OFD1: variants seen among roughly 807,000 people sequenced by gnomAD.
OFD1 encodes centriole and centriolar satellite protein OFD1.
A neutral mutation model predicts 81.4 loss-of-function variants in OFD1; 12 were observed. The observed-to-expected ratio is 0.15, with a 90% CI of 0.09 to 0.24. The LOEUF (loss-of-function observed/expected upper bound fraction) is 0.24. OFD1 is among the 10% of genes least tolerant of loss of function. The pLI is 1.00. For synonymous variants in OFD1, 256 were observed against 263.7 expected, an observed-to-expected ratio of 0.97 and a Z score of 0.28; for missense variants, 685 against 733.9, an observed-to-expected ratio of 0.93 and a Z score of 0.77.
chrX:13,720,130 C>A, the OFD1 span: 1 of 344,668 alleles, frequency 2.9e-6, no homozygotes, highest in Non-Finnish European at 4.9e-6. Flanking sequence ...AGTATACTAG[C>A]GAAGATACGT....
downstream of OFD1, chrX:13,772,029 G>A (rs1220396653): frequency 8.9e-6 from 1 of 112,206 alleles, no homozygotes; most frequent in Admixed American, 9.5e-5. Context: ...TAATAATTAA[G>A]AAAAACATTT....
chrX:13,741,687 G>A (rs1316239342), intron 5 of OFD1, among the ~76,000 whole-genome samples: 1 of 112,183 alleles, frequency 8.9e-6, no homozygotes, highest in East Asian at 2.8e-4. Flanking sequence ...AGGGAGATAG[G>A]AGAGGGGCAG....
intron 10 of OFD1, chrX:13,752,767 G>C (rs918173594): frequency 1.0e-5 from 10 of 969,872 alleles, no homozygotes; most frequent in Non-Finnish European, 1.2e-5. Context: ...GGCAGGTGTT[G>C]GAGTTTGGAG....
chrX:13,755,845 CTT>C lies in OFD1; in HGVS notation c.1221+604_1221+605del, dbSNP rs1198574907. ...ATGAAATTTATTTTAGCAACTGTGACTTATGTGAGAACTTTGTAGGCTTTTTA... is the reference window on the plus strand; with the variant it reads ...ATGAAATTTATTTTAGCAACTGTGACATGTGAGAACTTTGTAGGCTTTTTA... On this transcript the variant is annotated intron_variant, in intron 12 of 22. Transcript: ENST00000340096. Among the ~76,000 whole-genome samples, 3 of 109,625 alleles carry C rather than the reference CTT, an allele frequency of 2.7e-5. No homozygotes were observed. In the South Asian group the frequency reaches 1.2e-3, roughly 42 times the overall value.
the OFD1 span, among the ~76,000 whole-genome samples, chrX:13,728,704 C>T: frequency 8.9e-6 from 1 of 111,946 alleles, no homozygotes; most frequent in Admixed American, 9.5e-5. Context: ...ACAAGGATGC[C>T]CTCTCTCACC....
At chrX:13,733,324 T>C (rs139245605), upstream of OFD1, among the ~76,000 whole-genome samples, 780 of 111,926 alleles carry the variant, frequency 7.0e-3, 6 homozygotes, top group African/African-American at 0.024. Flanking sequence ...CTCAGCCCTA[T>C]TGTTCCACCT....
Position 13,768,051 on chromosome X carries a change from T to TA in OFD1, c.2758-2dup. ...ATTTTCTGTTTTGGTGCCTGTTTTA[T>TA]AGAAGATGATTGAAGAATCACTGAA... On this transcript the variant is annotated splice_polypyrimidine_tract_variant and splice_region_variant and intron_variant, in intron 20 of 22. Transcript: ENST00000340096. The TA allele has an allele frequency of 2.6e-6, 3 of 1,173,370 alleles. No homozygotes were observed. Among genetic ancestry groups the TA allele is most frequent in the Non-Finnish European group, 3.5e-6 (3 of 860,675 alleles).
intron 2 of OFD1, among the ~76,000 whole-genome samples, chrX:13,735,812 G>T (rs1254097232): frequency 9.0e-6 from 1 of 111,711 alleles, no homozygotes; most frequent in Non-Finnish European, 1.9e-5. Flanking sequence ...GTTTAGTTTG[G>T]GCAGAAAATA....
chrX:13,753,231 T>G, intron 10 of OFD1, 137 bp from the exon 11 acceptor site: 1 of 1,136,809 alleles, frequency 8.8e-7, no homozygotes, highest in African/African-American at 1.8e-5. Context: ...GGCTTTAGTA[T>G]TGAGGACTTT....
At chrX:13,727,627 A>G in the OFD1 span, among the ~76,000 whole-genome samples, 1 of 112,326 alleles carries the variant, frequency 8.9e-6, no homozygotes, top group Non-Finnish European at 1.9e-5. Flanking sequence ...TATAGCACTA[A>G]ATGCCCACAA....
the OFD1 span, among the ~76,000 whole-genome samples, chrX:13,718,324 T>G: frequency 8.8e-6 from 1 of 113,315 alleles, no homozygotes; most frequent in African/African-American, 3.2e-5. Context: ...CAAAGCTAAG[T>G]GAATCCTTAG....
At chrX:13,725,711 T>C in the OFD1 span, among the ~76,000 whole-genome samples, 5 of 112,308 alleles carry the variant, frequency 4.5e-5, no homozygotes, top group Non-Finnish European at 5.6e-5. Flanking sequence ...CTCCAAAGGA[T>C]TGCAGCTCCT....
Position 13,767,199 on chromosome X carries a change from G to A in OFD1, c.2672G>A (p.Arg891Lys), listed in dbSNP as rs769469366. 4.1e-6 allele frequency: 5 copies of A among 1,208,625 alleles called. No individual in the cohort carries two copies. In the East Asian group the frequency reaches 1.2e-4, roughly 29 times the overall value. Residue 891 changes from arginine (R) to lysine (K), a missense_variant, in exon 20 of 23, where the codon AGG (arginine) becomes AAG (lysine). Physicochemically the swap from Arg to Lys is conservative, Grantham distance 26. Transcript: ENST00000340096. ...KIREQQVKER[R>K]QREERRQSNL... ...CGGGAACAGCAAGTGAAAGAACGAA[G>A]GCAGAGAGAAGAAAGAAGGCAGAGT...
rs769127095 is a variant in OFD1, at chrX:13,768,795, T to C, written c.2996+10T>C. On this transcript the variant is annotated intron_variant, in intron 22 of 22. Transcript: ENST00000340096. ...GTGACAAAGTCGAAAGGTACCTGTT[T>C]TCCCTACACACTTTCATACACAAAC... 6.8e-6 allele frequency: 8 copies of C among 1,179,766 alleles called. No homozygotes were observed. The highest frequency in any genetic ancestry group is 9.2e-6 in the Non-Finnish European group (8 of 867,632).
chrX:13,739,764 G>A, intron 5 of OFD1: 1 of 685,896 alleles, frequency 1.5e-6, no homozygotes, highest in South Asian at 7.5e-5. Flanking sequence ...AAAAAAAAAT[G>A]TTTATATAGA....
intron 8 of OFD1, 40 bp from the exon 9 acceptor site, chrX:13,749,387 C>T: frequency 1.2e-6 from 1 of 864,183 alleles, no homozygotes; most frequent in Non-Finnish European, 1.7e-6. Flanking sequence ...GTTTTGCTTT[C>T]ATTAGCTTGC....
Position 13,757,673 on chromosome X carries a change from G to A in OFD1, c.1425G>A (p.Pro475=), listed in dbSNP as rs751559997. ...TTACCTTCTTAGGCCTAGCTCAGCCGGCTCCTGAACTTGCAGTCTTTCAGA... is the reference window on the plus strand; with the variant it reads ...TTACCTTCTTAGGCCTAGCTCAGCCAGCTCCTGAACTTGCAGTCTTTCAGA... ...NLRLLNRLAQ[P]APELAVFQKE... The change falls in exon 14 of 23, where the codon CCG becomes CCA. Residue 475 remains proline (P), a synonymous_variant. Transcript: ENST00000340096. 8.3e-6 allele frequency: 10 copies of A among 1,206,007 alleles called. No homozygotes were observed. Among genetic ancestry groups the A allele is most frequent in the East Asian group, 5.9e-5 (2 of 33,679 alleles).
chrX:13,716,498 TTTAG>T, the OFD1 span: 6 of 1,207,004 alleles, frequency 5.0e-6, no homozygotes, highest in African/African-American at 7.0e-5. Flanking sequence ...GAGCCCAAAC[TTTAG>T]TTAGTTACCT....
At chrX:13,772,082 G>T (rs2048310010), downstream of OFD1, 1 of 112,253 alleles carries the variant, frequency 8.9e-6, no homozygotes, top group African/African-American at 3.2e-5. Context: ...CTCTAGTTAT[G>T]ATATAAATTC....
Sources: gnomAD v4.1 joint callset for allele counts (sites outside exome capture counted in the v4.1 genomes callset) on GRCh38, gnomAD v4.1.1 for gene constraint, MANE v1.5 for transcripts, NCBI Gene and HGNC (gene_info 2026-07-23, HGNC 2026-07-21) for gene names.